RBFOX3: variants seen among roughly 807,000 people sequenced by gnomAD.
RBFOX3 encodes RNA binding protein fox-1 homolog 3.
RBFOX3 carries 17 observed loss-of-function variants against 48.7 expected under a neutral mutation model. The observed-to-expected ratio is 0.35, with a 90% CI of 0.24 to 0.52. The LOEUF (loss-of-function observed/expected upper bound fraction) is 0.52. Ranked by LOEUF, RBFOX3 falls within the 20% of genes least tolerant of loss-of-function variation. The probability of loss-of-function intolerance (pLI) is 0.94; values close to 1 mark genes in which losing one functional copy is unlikely to be tolerated. For missense variants in RBFOX3, 382 were observed against 497.5 expected (o/e 0.77, Z 2.21); for synonymous variants, 212 against 209.5 (o/e 1.01, Z -0.10).
At chr17:79,440,930 A>G (rs782808191) in intron 2 of RBFOX3, among the ~76,000 whole-genome samples, 1 of 152,176 alleles carries the variant, frequency 6.6e-6, no homozygotes, top group Admixed American at 6.5e-5. Flanking sequence ...CAGCCCTCGC[A>G]CGGTGAGTCG....
Position 79,256,959 on chromosome 17 carries a change from C to CA in RBFOX3, c.-73-21155dup, listed in dbSNP as rs780969866. 4.2e-3 allele frequency among the ~76,000 whole-genome samples: 556 copies of CA among 130,836 alleles called. 5 individuals are homozygous for CA. The highest frequency in any genetic ancestry group is 7.4e-3 in the Non-Finnish European group (431 of 58,344). The allele number at this position is 130,836 out of a possible 152,430, so 85.8% of individuals were successfully genotyped here. On this transcript the variant is annotated intron_variant, in intron 3 of 14. Transcript: ENST00000693108. ...CAAACAAAACAAAACAAAAAAAAAA[C>CA]AAAAAAAAGAAAAAGAAAAGGAAAG...
At chr17:79,499,473 C>G (rs2149711869) in intron 1 of RBFOX3, among the ~76,000 whole-genome samples, 1 of 152,292 alleles carries the variant, frequency 6.6e-6, no homozygotes, top group East Asian at 1.9e-4. Context: ...ACCCATCCAC[C>G]ATCCATTCAT....
At chr17:79,494,294 G>T (rs1055152627) in intron 1 of RBFOX3, among the ~76,000 whole-genome samples, 5 of 152,196 alleles carry the variant, frequency 3.3e-5, no homozygotes, top group Non-Finnish European at 7.3e-5. Context: ...AGGCAGGGCA[G>T]GAGAAGATGC....
At chr17:79,202,410 C>T (rs1287432988) in intron 4 of RBFOX3, among the ~76,000 whole-genome samples, 1 of 152,166 alleles carries the variant, frequency 6.6e-6, no homozygotes, top group African/African-American at 2.4e-5. Context: ...GCAGACCACT[C>T]ACTCCTCTGT....
intron 2 of RBFOX3, among the ~76,000 whole-genome samples, chr17:79,393,577 T>G (rs1291004764): frequency 6.6e-6 from 1 of 152,064 alleles, no homozygotes; most frequent in Non-Finnish European, 1.5e-5. Flanking sequence ...ACATCGGAGC[T>G]GGTCATCAAT....
rs994345404 is a variant in RBFOX3, at chr17:79,361,508, C to T, written c.-174-53684G>A. On this transcript the variant is annotated intron_variant, in intron 2 of 14. Coordinates refer to ENST00000693108, the MANE Select transcript of RBFOX3 (RefSeq NM_001350451.2). The surrounding 1 kb of genome is among the most constrained non-coding windows in gnomAD (Gnocchi z 4.5). Reference sequence around the variant, plus strand: ...CAACACCCTGGCCACCACCTCCTGCCCCTGAGCCCGCGTGGCTCTCTGTGC... The same window carrying T: ...CAACACCCTGGCCACCACCTCCTGCTCCTGAGCCCGCGTGGCTCTCTGTGC... Among the ~76,000 whole-genome samples, 6 of 152,234 alleles carry T rather than the reference C, an allele frequency of 3.9e-5. No homozygotes were observed. Among genetic ancestry groups the T allele is most frequent in the Non-Finnish European group, 8.8e-5 (6 of 68,050 alleles).
chr17:79,425,934 C>A (rs998010401), intron 2 of RBFOX3, among the ~76,000 whole-genome samples: 42 of 151,996 alleles, frequency 2.8e-4, no homozygotes, highest in African/African-American at 9.7e-4. Context: ...GAAGGTGGTG[C>A]GAGGCGAGGG....
intron 4 of RBFOX3, among the ~76,000 whole-genome samples, chr17:79,162,637 G>A (rs1366863963): frequency 2.0e-5 from 3 of 152,204 alleles, no homozygotes; most frequent in Non-Finnish European, 4.4e-5. Flanking sequence ...AGTTAAATTA[G>A]TTAAATGGAG....
At chr17:79,548,204 C>G (rs1384648184) in intron 1 of RBFOX3, among the ~76,000 whole-genome samples, 2 of 152,206 alleles carry the variant, frequency 1.3e-5, no homozygotes, top group Non-Finnish European at 2.9e-5. Context: ...GTGCCCCCAG[C>G]TCCTGCTCCG....
At chr17:79,475,982 A>C (rs916184093) in intron 2 of RBFOX3, among the ~76,000 whole-genome samples, 166 of 152,362 alleles carry the variant, frequency 1.1e-3, no homozygotes, top group Non-Finnish European at 2.0e-3. Flanking sequence ...CTGTGATGGC[A>C]GTCACGGGAC....
intron 2 of RBFOX3, among the ~76,000 whole-genome samples, chr17:79,336,504 G>T (rs906425750): frequency 2.6e-5 from 4 of 152,214 alleles, no homozygotes; most frequent in African/African-American, 7.2e-5. Context: ...GTCCAGCAGC[G>T]CATGGAGACA....
At chr17:79,636,263 G>A in the RBFOX3 span, among the ~76,000 whole-genome samples, 35,709 of 151,854 alleles carry the variant, frequency 0.24, 6,037 homozygotes, top group African/African-American at 0.48. Flanking sequence ...TAGAGAAAAA[G>A]GGATTATAAA....
At chr17:79,272,035 T>A (rs1400977134) in intron 3 of RBFOX3, among the ~76,000 whole-genome samples, 1 of 152,160 alleles carries the variant, frequency 6.6e-6, no homozygotes, top group Non-Finnish European at 1.5e-5. Context: ...TAGGGCCATC[T>A]CCCTTTTCGG....
intron 1 of RBFOX3, among the ~76,000 whole-genome samples, chr17:79,509,379 T>C (rs2083731188): frequency 6.6e-6 from 1 of 151,886 alleles, no homozygotes; most frequent in Non-Finnish European, 1.5e-5. Context: ...CCAGAGCACA[T>C]AGCTCAGCAA....
chr17:79,481,253 T>C lies in RBFOX3; in HGVS notation c.-175+1201A>G, dbSNP rs773626019. ...CTGCTCAGCCTACAGTGGGTCATCA[T>C]GCAAAGCCTGCCTGCAGGCTTCAGG... is the stretch of plus-strand genomic sequence containing the variant. On this transcript the variant is annotated intron_variant, in intron 2 of 14. Transcript: ENST00000693108. This position sits in a 1 kb window ranked among gnomAD's most constrained non-coding sequence, Gnocchi z 5.4. Among the ~76,000 whole-genome samples, 2 of 152,182 alleles carry C rather than the reference T, an allele frequency of 1.3e-5. No homozygotes were observed. The highest frequency in any genetic ancestry group is 1.9e-4 in the East Asian group (1 of 5,190).
At chr17:79,453,387 T>G (rs570082902) in intron 2 of RBFOX3, among the ~76,000 whole-genome samples, 8 of 152,212 alleles carry the variant, frequency 5.3e-5, no homozygotes, top group African/African-American at 1.9e-4. Flanking sequence ...CCTCTCTTCC[T>G]CCTGGCGGCA....
At chr17:79,236,424 G>A (rs893859237) in intron 3 of RBFOX3, among the ~76,000 whole-genome samples, 1 of 152,128 alleles carries the variant, frequency 6.6e-6, no homozygotes. Flanking sequence ...TAGTAGCTGG[G>A]AGTACAGGTG....
chr17:79,227,842 T>C (rs974576228), intron 4 of RBFOX3, among the ~76,000 whole-genome samples: 3 of 152,096 alleles, frequency 2.0e-5, no homozygotes, highest in African/African-American at 7.2e-5. Context: ...GCCAGCGAGG[T>C]CCTGAATTGT....
chr17:79,229,523 C>T (rs1600124051), intron 4 of RBFOX3, among the ~76,000 whole-genome samples: 3 of 135,758 alleles, frequency 2.2e-5, no homozygotes, highest in South Asian at 2.4e-4. Flanking sequence ...GGTGCCACTA[C>T]ACTCCAACCT....
Sources: allele counts gnomAD v4.1 joint callset (sites outside exome capture counted in the v4.1 genomes callset), GRCh38; gene constraint gnomAD v4.1.1; non-coding constraint Gnocchi (gnomAD v3.1); transcripts MANE v1.5; gene names NCBI Gene and HGNC (gene_info 2026-07-23, HGNC 2026-07-21).